Variants in RPS13 observed in about 807,000 individuals in gnomAD.
RPS13 encodes ribosomal protein S13, also known as small ribosomal subunit protein uS15.
In RPS13, 1 loss-of-function variant was observed where a neutral mutation model predicts 24.6. That is an observed-to-expected ratio of 0.04 (90% CI 0.01 to 0.19). RPS13 has a LOEUF of 0.19. Among genes scored for constraint, RPS13 ranks in the 10% least tolerant of loss-of-function variants. The pLI is 1.00. For synonymous variants in RPS13, 69 were observed against 65.3 expected, an observed-to-expected ratio of 1.06 and a Z score of -0.27; for missense variants, 88 against 187.4, an observed-to-expected ratio of 0.47 and a Z score of 3.10.
chr11:17,075,727 G>A, intron 3 of RPS13, 104 bp from the exon 4 acceptor site: 7 of 869,552 alleles, frequency 8.1e-6, no homozygotes, highest in Non-Finnish European at 1.3e-5. Flanking sequence ...TCTGTAAGAT[G>A]GGGGTATACT....
Position 17,077,636 on chromosome 11 carries a change from A to T in RPS13, c.6T>A (p.Gly2=), listed in dbSNP as rs201083860. 6.3e-7 allele frequency: 1 copy of T among 1,583,980 alleles called. No homozygotes were observed. Among genetic ancestry groups the T allele is most frequent in the Admixed American group, 1.7e-5 (1 of 58,050 alleles). M[G]RMHAPGKGLS... ...GAGCTCACCCGGGAGCATGCATGCG[A>T]CCCATGATGGCGGCGATCAGGCAAC... Residue 2 remains glycine (G), a synonymous_variant, in exon 1 of 6, where the codon GGT becomes GGA. Transcript: ENST00000525634.
chr11:17,076,677 A>G, intron 3 of RPS13: 1 of 330,780 alleles, frequency 3.0e-6, no homozygotes, highest in South Asian at 2.3e-5. Context: ...CATCCCAAGT[A>G]TCTGGGACTA....
rs998688625 is a variant in RPS13 at position 17,076,942 on chromosome 11, T to C, written c.151+226A>G. 6 of 556,788 alleles carry C rather than the reference T, an allele frequency of 1.1e-5. No individual in the cohort carries two copies. The South Asian group carries it at 1.4e-4, about 13-fold the overall frequency. 34.5% of individuals were successfully genotyped at this position (556,788 alleles called of 1,614,324 possible). ...GGTTAGTATCCAGCGGCAGTGTGCC[T>C]CTGCTTCCTCAACTGTAAACTGGGG... On this transcript the variant is annotated intron_variant, in intron 3 of 5. Coordinates refer to ENST00000525634, the MANE Select transcript of RPS13 (RefSeq NM_001017.3).
chr11:17,075,640 G>C lies in RPS13; in HGVS notation c.152-17C>G, dbSNP rs545394339. ...GGATTACACCTGAAAAGGGAATCAC[G>C]TTTTAACTTTCAACACGAAACACAA... On this transcript the variant is annotated splice_polypyrimidine_tract_variant and intron_variant, in intron 3 of 5. Transcript: ENST00000525634. 1 of 1,578,800 alleles carries C rather than the reference G, an allele frequency of 6.3e-7. No individual in the cohort carries two copies. The highest frequency in any genetic ancestry group is 1.8e-5 in the Admixed American group (1 of 54,290).
At chr11:17,075,980 C>T (rs865807297) in intron 3 of RPS13, 5 of 374,022 alleles carry the variant, frequency 1.3e-5, no homozygotes, top group Non-Finnish European at 2.6e-5. Context: ...TTCTTTTAAA[C>T]CTCTAATGAG....
In RPS13 at chr11:17,077,605, T is replaced by C. The variant is rs1848040217; in HGVS notation, c.23+14A>G. 4 of 1,062,258 alleles carry C rather than the reference T, an allele frequency of 3.8e-6. No individual in the cohort carries two copies. The highest frequency in any genetic ancestry group is 5.3e-6 in the Non-Finnish European group (4 of 748,014). The allele number at this position is 1,062,258 out of a possible 1,614,324, so 65.8% of individuals were successfully genotyped here. A position where few individuals can be genotyped will look rare whatever the true frequency, so the allele number is the denominator to read the frequency against. On this transcript the variant is annotated intron_variant, in intron 1 of 5. Transcript: ENST00000525634. ...CCCCCCGCCCAGCAATCCGGCTTGA[T>C]GCCCCGAGCTCACCCGGGAGCATGC...
At chr11:17,076,709 T>C in intron 3 of RPS13, 1 of 307,458 alleles carries the variant, frequency 3.3e-6, no homozygotes, top group Non-Finnish European at 6.4e-6. Flanking sequence ...CGGCTGGCTT[T>C]TTTGGGCGGG....
intron 3 of RPS13, among the ~76,000 whole-genome samples, chr11:17,076,276 C>T (rs1309744027): frequency 6.6e-6 from 1 of 152,174 alleles, no homozygotes; most frequent in African/African-American, 2.4e-5. Context: ...GTCTCAGCTA[C>T]TCCAGAGGCA....
chr11:17,074,983 C>G, intron 5 of RPS13, 114 bp downstream of exon 5: 1 of 734,750 alleles, frequency 1.4e-6, no homozygotes, highest in South Asian at 1.8e-5. Flanking sequence ...AAATAGCCCC[C>G]AAGGCTGAAC....
In RPS13 at chr11:17,077,033, G is replaced by A. The variant is rs1160275219; in HGVS notation, c.151+135C>T. 97 of 680,410 alleles carry A rather than the reference G, an allele frequency of 1.4e-4. 2 individuals carry two copies. Among genetic ancestry groups the A allele is most frequent in the Non-Finnish European group, 4.8e-5 (18 of 376,002 alleles). The allele number at this position is 680,410 out of a possible 1,614,324, so 42.1% of individuals were successfully genotyped here. Reference sequence around the variant, plus strand: ...ATTAAACGAAATCAGTACATGTGAAGTGCTTACAATGATGCCTCTAGCACG... The same window carrying A: ...ATTAAACGAAATCAGTACATGTGAAATGCTTACAATGATGCCTCTAGCACG... On this transcript the variant is annotated intron_variant, in intron 3 of 5. Transcript: ENST00000525634.
intron 3 of RPS13, 91 bp from the exon 4 acceptor site, chr11:17,075,714 C>T: frequency 9.7e-7 from 1 of 1,027,760 alleles, no homozygotes; most frequent in Non-Finnish European, 1.5e-6. Flanking sequence ...GCATAGTTTC[C>T]TATCTGTAAG....
At chr11:17,075,841 G>T (rs985585526) in intron 3 of RPS13, 1 of 652,346 alleles carries the variant, frequency 1.5e-6, no homozygotes, top group East Asian at 3.1e-5. Context: ...TGGAAACTGC[G>T]AATGTTGGAA....
chr11:17,075,958 T>C (rs1158944147), intron 3 of RPS13: 1 of 406,014 alleles, frequency 2.5e-6, no homozygotes, highest in Non-Finnish European at 4.8e-6. Flanking sequence ...TTCTAAAAAC[T>C]TTACACGTTA....
rs369238265 is a variant in RPS13 at position 17,075,639 on chromosome 11, C to T, written c.152-16G>A. ...AGGATTACACCTGAAAAGGGAATCA[C>T]GTTTTAACTTTCAACACGAAACACA... On this transcript the variant is annotated splice_polypyrimidine_tract_variant and intron_variant, in intron 3 of 5. Transcript: ENST00000525634. 5.7e-6 allele frequency: 9 copies of T among 1,579,978 alleles called. No individual in the cohort carries two copies. The highest frequency in any genetic ancestry group is 2.3e-5 in the South Asian group (2 of 86,374).
intron 3 of RPS13, chr11:17,076,842 CTG>C: frequency 4.6e-6 from 2 of 430,346 alleles, no homozygotes; most frequent in Middle Eastern, 6.4e-4. Flanking sequence ...CCACACCTAA[CTG>C]TGAGGAACTG....
In RPS13 at chr11:17,075,501, T is replaced by G. The variant is rs1848012202; in HGVS notation, c.274A>C (p.Ile92Leu). The change falls in exon 4 of 6, where the codon ATT (isoleucine) becomes CTT (leucine). Residue 92 changes from isoleucine to leucine, a missense_variant. Transcript: ENST00000525634. ...TTTCGAACAGCAACTGCTTTCTTAA[T>G]TAAATGGTAGAGATCTTCAGGAAGA... ...PDLPEDLYHL[I>L]KKAVAVRKHL... The G allele has an allele frequency of 3.1e-6, 5 of 1,588,390 alleles. No homozygotes were observed. The highest frequency in any genetic ancestry group is 4.3e-6 in the Non-Finnish European group (5 of 1,172,746).
At position 17,076,219 on chromosome 11, in the gene RPS13, T is replaced by C. The variant is rs201620284; in HGVS notation, c.152-596A>G. On this transcript the variant is annotated intron_variant, in intron 3 of 5. Transcript: ENST00000525634. ...CTGGCCAACATGGTGAAACCTCGTC[T>C]CTACTAAAAATACAAAAATTAGCCG... 5.9e-5 allele frequency among the ~76,000 whole-genome samples: 9 copies of C among 152,174 alleles called. No homozygotes were observed. The East Asian group carries it at 1.7e-3, about 29-fold the overall frequency.
intron 5 of RPS13, 41 bp from the exon 6 acceptor site, chr11:17,074,507 A>G: frequency 6.8e-7 from 1 of 1,476,686 alleles, no homozygotes; most frequent in Non-Finnish European, 9.5e-7. Context: ...ATCAGGATTA[A>G]TACTAGTCCC....
chr11:17,077,586 G>A lies in RPS13; in HGVS notation c.23+33C>T, dbSNP rs745927642. 5 of 1,506,610 alleles carry A rather than the reference G, an allele frequency of 3.3e-6. No individual in the cohort carries two copies. In the South Asian group the frequency reaches 5.0e-5, roughly 15 times the overall value. The allele number at this position is 1,506,610 out of a possible 1,614,324, so 93.3% of individuals were successfully genotyped here. On this transcript the variant is annotated intron_variant, in intron 1 of 5. Coordinates refer to ENST00000525634, the MANE Select transcript of RPS13 (RefSeq NM_001017.3). The stretch of plus-strand genomic sequence containing the variant: ...ACTCCCTGTCTTCCTCCCACCCCCC[G>A]CCCAGCAATCCGGCTTGATGCCCCG...
Sources: allele counts gnomAD v4.1 joint callset (sites outside exome capture counted in the v4.1 genomes callset), GRCh38; gene constraint gnomAD v4.1.1; transcripts MANE v1.5; gene names NCBI Gene and HGNC (gene_info 2026-07-23, HGNC 2026-07-21).